Variants in VPS53 observed in about 807,000 individuals in gnomAD.
VPS53 encodes VPS53 subunit of GARP complex.
In VPS53, 70 loss-of-function variants were observed where a neutral mutation model predicts 107.0. That is an observed-to-expected ratio of 0.65 (90% CI 0.54 to 0.80). The LOEUF (loss-of-function observed/expected upper bound fraction) is 0.80. VPS53 is among the 30% of genes least tolerant of loss of function. VPS53 has a pLI of 0.00. For missense variants in VPS53, 917 were observed against 1,049.4 expected, an observed-to-expected ratio of 0.87 and a Z score of 1.74; for synonymous variants, 409 against 393.3, an observed-to-expected ratio of 1.04 and a Z score of -0.47.
At position 518,919 on chromosome 17, in the gene VPS53, G is replaced by A. The variant is rs969929447; in HGVS notation, c.*209C>T. On this transcript the variant is annotated 3_prime_UTR_variant, in exon 22 of 22. Coordinates refer to ENST00000437048, the MANE Select transcript of VPS53 (RefSeq NM_001128159.3). ...TCACGAACCAGAGATCACCTAAATC[G>A]CCCTCTTAGAGCCCAGCCCTTACTC... is the stretch of plus-strand genomic sequence containing the variant. The A allele has an allele frequency of 6.2e-6, 3 of 481,284 alleles. No homozygotes were observed. Among genetic ancestry groups the A allele is most frequent in the African/African-American group, 4.0e-5 (2 of 50,370 alleles). The allele number at this position is 481,284 out of a possible 1,614,324, so 29.8% of individuals were successfully genotyped here. A position where few individuals can be genotyped will look rare whatever the true frequency, so the allele number is the denominator to read the frequency against.
Position 513,563 on chromosome 17 carries a change from T to G in VPS53, c.*5565A>C, listed in dbSNP as rs906369867. 1 of 152,298 alleles carries G rather than the reference T, an allele frequency of 6.6e-6. No individual in the cohort carries two copies. Among genetic ancestry groups the G allele is most frequent in the Non-Finnish European group, 1.5e-5 (1 of 68,076 alleles). The allele number at this position is 152,298 out of a possible 1,614,324, so 9.4% of individuals were successfully genotyped here. A position where few individuals can be genotyped will look rare whatever the true frequency, so the allele number is the denominator to read the frequency against. ...AATCTGACTTGGAGTAGACGAGAAG[T>G]GTGAGACACTTGCTGTCACCCTCAA... On this transcript the variant is annotated 3_prime_UTR_variant, in exon 22 of 22. Transcript: ENST00000437048.
intron 5 of VPS53, chr17:657,228 G>C: frequency 7.8e-7 from 1 of 1,277,510 alleles, no homozygotes; most frequent in Non-Finnish European, 1.1e-6. Context: ...ACTTGTACTT[G>C]GTCTCCTCAG....
At chr17:672,830 C>T (rs1011204673) in intron 4 of VPS53, among the ~76,000 whole-genome samples, 7 of 151,916 alleles carry the variant, frequency 4.6e-5, no homozygotes, top group Admixed American at 2.6e-4. Flanking sequence ...AGAATGGCAG[C>T]GGCCGGGCGC....
intron 4 of VPS53, among the ~76,000 whole-genome samples, chr17:667,027 G>C (rs1049075173): frequency 2.0e-5 from 3 of 152,212 alleles, no homozygotes; most frequent in Non-Finnish European, 2.9e-5. Flanking sequence ...GCGATGACAT[G>C]AAGTAGAGGC....
chr17:620,456 A>G (rs897245291), intron 11 of VPS53, among the ~76,000 whole-genome samples: 3 of 152,216 alleles, frequency 2.0e-5, no homozygotes, highest in Non-Finnish European at 4.4e-5. Flanking sequence ...GACTCCAGGT[A>G]CAAGTCCCAG....
rs963761477 is a variant in VPS53, at chr17:714,816, C to G, written c.-107G>C. The G allele has an allele frequency of 1.6e-6, 2 of 1,277,982 alleles. No individual in the cohort carries two copies. Among genetic ancestry groups the G allele is most frequent in the Non-Finnish European group, 2.3e-6 (2 of 888,466 alleles). The allele number at this position is 1,277,982 out of a possible 1,614,324, so 79.2% of individuals were successfully genotyped here. ...TCCCTCGCGGCAGCGACCTGGTGAG[C>G]CCGGCTCCGTCAGCCGCTCTGTCAG... On this transcript the variant is annotated 5_prime_UTR_variant, in exon 1 of 22. Transcript: ENST00000437048.
At chr17:578,582 C>A (rs1301741850) in intron 13 of VPS53, among the ~76,000 whole-genome samples, 1 of 146,256 alleles carries the variant, frequency 6.8e-6, no homozygotes, top group Non-Finnish European at 1.5e-5. Flanking sequence ...TCCCTCAGAA[C>A]CTCAGTGCGT....
rs1908034030 is a variant in VPS53 at position 512,816 on chromosome 17, T to C, written c.*6312A>G. 1 of 151,634 alleles carries C rather than the reference T, an allele frequency of 6.6e-6. No homozygotes were observed. Among genetic ancestry groups the C allele is most frequent in the South Asian group, 2.1e-4 (1 of 4,790 alleles). The allele number at this position is 151,634 out of a possible 1,614,324, so 9.4% of individuals were successfully genotyped here. On this transcript the variant is annotated 3_prime_UTR_variant, in exon 22 of 22. Coordinates refer to ENST00000437048, the MANE Select transcript of VPS53 (RefSeq NM_001128159.3). ...GAGAAATCACTAAAGGACACAAGAC[T>C]TCCCAAAGAGTTTTCATGGCAAAAC...
At chr17:623,804 T>A (rs376612409) in intron 10 of VPS53, 130 bp from the exon 11 acceptor site, 22 of 993,298 alleles carry the variant, frequency 2.2e-5, no homozygotes, top group Admixed American at 9.3e-5. Flanking sequence ...TGAGGTCTGT[T>A]ACCACCTTAG....
At chr17:607,090 G>A (rs1213150629) in intron 11 of VPS53, among the ~76,000 whole-genome samples, 1 of 152,188 alleles carries the variant, frequency 6.6e-6, no homozygotes, top group Non-Finnish European at 1.5e-5. Flanking sequence ...AGAGGGCAAG[G>A]CTCAGCAAGG....
At chr17:600,314 G>T (rs1968270702) in intron 12 of VPS53, among the ~76,000 whole-genome samples, 1 of 152,198 alleles carries the variant, frequency 6.6e-6, no homozygotes, top group Non-Finnish European at 1.5e-5. Flanking sequence ...TGAGACATCA[G>T]GGCTCTGCAA....
Position 631,705 on chromosome 17 carries a change from G to A in VPS53, c.609-77C>T, listed in dbSNP as rs1969968986. The A allele has an allele frequency of 1.4e-5, 20 of 1,394,108 alleles. No individual in the cohort carries two copies. In the South Asian group the frequency reaches 2.4e-4, roughly 17 times the overall value. The allele number at this position is 1,394,108 out of a possible 1,614,324, so 86.4% of individuals were successfully genotyped here. ...TACACACCGATCCACAGGGTCGGAA[G>A]GGCTGAAGTCTTTCGAGAAAGGCCA... On this transcript the variant is annotated intron_variant, in intron 7 of 21. Transcript: ENST00000437048.
Position 512,709 on chromosome 17 carries a change from A to G in VPS53, c.*6419T>C, listed in dbSNP as rs182400012. 6.6e-6 allele frequency: 1 copy of G among 152,378 alleles called. No homozygotes were observed. Among genetic ancestry groups the G allele is most frequent in the East Asian group, 1.9e-4 (1 of 5,192 alleles). 9.4% of individuals were successfully genotyped at this position (152,378 alleles called of 1,614,324 possible). ...CAGCCAGTTTTCCCCTGTTGAAAGG[A>G]CACAGGACTTCCCGAAGAGTTTTCA... On this transcript the variant is annotated 3_prime_UTR_variant, in exon 22 of 22. Transcript: ENST00000437048.
intron 7 of VPS53, among the ~76,000 whole-genome samples, chr17:636,058 ACT>A (rs1970186298): frequency 6.6e-6 from 1 of 151,680 alleles, no homozygotes. Flanking sequence ...TTGTTTGTAT[ACT>A]CTTTTATTTC....
chr17:519,248 C>A lies in VPS53; in HGVS notation c.2379G>T (p.Arg793=). Residue 793 remains arginine, a synonymous_variant, in exon 22 of 22, where the codon CGG becomes CGT. Coordinates refer to ENST00000437048, the MANE Select transcript of VPS53 (RefSeq NM_001128159.3). This position sits in a 1 kb window ranked among gnomAD's most constrained non-coding sequence, Gnocchi z 5.0. ...CTGCCCCCGAGGGCGGTGCGGGGAG[C>A]CGCTGGCGCAGGAGTTCCAGCATGC... ...QSSMLELLRQ[R]LPAPPSGAES... 6.5e-7 allele frequency: 1 copy of A among 1,542,074 alleles called. No homozygotes were observed. The highest frequency in any genetic ancestry group is 2.1e-5 in the Admixed American group (1 of 48,546).
Position 702,262 on chromosome 17 carries a change from G to A in VPS53, c.169-2882C>T, listed in dbSNP as rs533031286. ...CAATCTGCTTATTAGGCTGAGGAAA[G>A]AAGACTGATTGAGTCTGTAAATTCC... On this transcript the variant is annotated intron_variant, in intron 2 of 21. Coordinates refer to ENST00000437048, the MANE Select transcript of VPS53 (RefSeq NM_001128159.3). 2.0e-5 allele frequency among the ~76,000 whole-genome samples: 3 copies of A among 152,266 alleles called. No homozygotes were observed. In the East Asian group the frequency reaches 5.8e-4, roughly 29 times the overall value.
At chr17:593,445 C>G (rs1477890081) in intron 12 of VPS53, among the ~76,000 whole-genome samples, 2 of 152,060 alleles carry the variant, frequency 1.3e-5, no homozygotes, top group Non-Finnish European at 2.9e-5. Context: ...CTACAATGAA[C>G]TCAAACAAAT....
At chr17:634,396 AT>A (rs771297757) in intron 7 of VPS53, among the ~76,000 whole-genome samples, 10 of 151,140 alleles carry the variant, frequency 6.6e-5, no homozygotes, top group South Asian at 2.1e-4. Context: ...TGTACACCTT[AT>A]TTTTTTTTAT....
chr17:572,000 G>A (rs1279161979), intron 13 of VPS53, among the ~76,000 whole-genome samples: 8 of 151,420 alleles, frequency 5.3e-5, no homozygotes, highest in African/African-American at 7.3e-5. Flanking sequence ...CTGCCTGGCC[G>A]CCCATCGTCT....
Sources: gnomAD v4.1 joint callset for allele counts (sites outside exome capture counted in the v4.1 genomes callset) on GRCh38, gnomAD v4.1.1 for gene constraint, Gnocchi (gnomAD v3.1) non-coding constraint, MANE v1.5 for transcripts, NCBI Gene and HGNC (gene_info 2026-07-23, HGNC 2026-07-21) for gene names.